The following MEIS2 variants were observed in gnomAD, a reference collection of about 807,000 sequenced individuals.
MEIS2 encodes the protein Meis homeobox 2.
Under a neutral mutation model 58.6 loss-of-function variants are expected in MEIS2, and 9 were observed. The ratio of observed to expected loss-of-function variants is 0.15; its 90% CI spans 0.09 to 0.27. The LOEUF (loss-of-function observed/expected upper bound fraction) is 0.27. Ranked by LOEUF, MEIS2 falls within the 10% of genes least tolerant of loss-of-function variation. The pLI is 1.00. For synonymous variants in MEIS2, 221 were observed against 228.4 expected, an observed-to-expected ratio of 0.97 and a Z score of 0.29; for missense variants, 427 against 635.0, an observed-to-expected ratio of 0.67 and a Z score of 3.52.
chr15:37,022,724 C>T (rs1012156102), intron 8 of MEIS2, among the ~76,000 whole-genome samples: 5 of 152,190 alleles, frequency 3.3e-5, no homozygotes, highest in Admixed American at 6.5e-5. Context: ...ACTGCAACCT[C>T]GTCTCCCAGG....
intron 9 of MEIS2, chr15:36,897,941 TGGA>T (rs992532983): frequency 1.6e-4 from 24 of 152,312 alleles, no homozygotes; most frequent in African/African-American, 5.5e-4. Context: ...GAAGTCCCTT[TGGA>T]GGAGGACAGT....
At position 37,093,644 on chromosome 15, in the gene MEIS2, T is replaced by A. The variant is rs1322337654; in HGVS notation, c.576A>T (p.Arg192Ser). The A allele has an allele frequency of 6.2e-7, 1 of 1,614,078 alleles. No homozygotes were observed. Among genetic ancestry groups the A allele is most frequent in the African/African-American group, 1.3e-5 (1 of 74,928 alleles). Residue 192 changes from arginine to serine, a missense_variant, in exon 6 of 12, where the codon AGA becomes AGT. Arg to Ser is a moderately radical substitution (Grantham distance 110). Around this residue, in one of 6 missense-constraint regions of MEIS2, gnomAD observed 138 missense variants for 263.0 expected, o/e 0.52. Coordinates refer to ENST00000561208, the MANE Select transcript of MEIS2 (RefSeq NM_170675.5). ...KMPIDLVIDE[R>S]DGSSKSDHEE... Reference sequence around the variant, plus strand: ...CATGATCTGACTTGGAGCTGCCGTCTCTTTCATCAATGACGAGGTCGATGG... The same window carrying A: ...CATGATCTGACTTGGAGCTGCCGTCACTTTCATCAATGACGAGGTCGATGG...
At chr15:37,042,275 T>C (rs1360988915) in intron 7 of MEIS2, among the ~76,000 whole-genome samples, 3 of 152,220 alleles carry the variant, frequency 2.0e-5, no homozygotes, top group Non-Finnish European at 4.4e-5. Context: ...GAAAAAATGA[T>C]AAAAGCAGTG....
chr15:37,040,499 C>T (rs143716141), intron 7 of MEIS2, among the ~76,000 whole-genome samples: 12 of 152,284 alleles, frequency 7.9e-5, no homozygotes, highest in Non-Finnish European at 1.8e-4. Flanking sequence ...ACAGTAACTT[C>T]TAAACATGCC....
In MEIS2 at chr15:37,093,989, G is replaced by A. The variant is rs79296586; in HGVS notation, c.490-259C>T. Reference sequence around the variant, plus strand: ...AATAGAGAGAGAAAGAAACAGGACTGGAAATAACTGGGTTCAGAGTGGGAG... The same window carrying A: ...AATAGAGAGAGAAAGAAACAGGACTAGAAATAACTGGGTTCAGAGTGGGAG... On this transcript the variant is annotated intron_variant, in intron 5 of 11. Coordinates refer to ENST00000561208, the MANE Select transcript of MEIS2 (RefSeq NM_170675.5). 689 of 435,768 alleles carry A rather than the reference G, an allele frequency of 1.6e-3. 14 individuals are homozygous for A. In the East Asian group the frequency reaches 0.023, roughly 15 times the overall value. 27.0% of individuals were successfully genotyped at this position (435,768 alleles called of 1,614,324 possible).
chr15:36,977,709 A>C (rs2059804439), intron 8 of MEIS2, among the ~76,000 whole-genome samples: 2 of 152,234 alleles, frequency 1.3e-5, no homozygotes, highest in Admixed American at 1.3e-4. Context: ...AGAAAGCAGG[A>C]GCCTTTTATT....
At chr15:37,037,023 T>C (rs2062185408) in intron 7 of MEIS2, 64 bp from the exon 8 acceptor site, 4 of 1,484,532 alleles carry the variant, frequency 2.7e-6, no homozygotes, top group Non-Finnish European at 3.7e-6. Flanking sequence ...CAAGTGCAGC[T>C]AATGATGAGC....
chr15:36,923,362 T>A lies in MEIS2; in HGVS notation c.978-26676A>T, dbSNP rs76102724. Among the ~76,000 whole-genome samples, 727 of 152,206 alleles carry A rather than the reference T, an allele frequency of 4.8e-3. 4 individuals carry two copies. Among genetic ancestry groups the A allele is most frequent in the Non-Finnish European group, 7.9e-3 (538 of 68,008 alleles). On this transcript the variant is annotated intron_variant, in intron 9 of 11. Coordinates refer to ENST00000561208, the MANE Select transcript of MEIS2 (RefSeq NM_170675.5). ...TTTTCTTTTTACTTTTTGTCATATA[T>A]GTTCATTCTGCTAGGAAAACATGGC...
chr15:37,090,661 A>C (rs931859252), intron 6 of MEIS2, among the ~76,000 whole-genome samples: 16 of 151,894 alleles, frequency 1.1e-4, no homozygotes, highest in Admixed American at 3.3e-4. Flanking sequence ...TTCCTTAAAC[A>C]TGCACACACA....
intron 9 of MEIS2, among the ~76,000 whole-genome samples, chr15:36,906,298 G>A (rs929619866): frequency 6.6e-6 from 1 of 152,102 alleles, no homozygotes; most frequent in African/African-American, 2.4e-5. Flanking sequence ...CTGAACTGAT[G>A]AGAATCTAGA....
rs149609911 is a variant in MEIS2, at chr15:36,940,466, A to C, written c.977+9858T>G. Among the ~76,000 whole-genome samples, 986 of 152,118 alleles carry C rather than the reference A, an allele frequency of 6.5e-3. 9 individuals are homozygous for C. The highest frequency in any genetic ancestry group is 0.022 in the African/African-American group (930 of 41,504). On this transcript the variant is annotated intron_variant, in intron 9 of 11. Coordinates refer to ENST00000561208, the MANE Select transcript of MEIS2 (RefSeq NM_170675.5). The stretch of plus-strand genomic sequence containing the variant: ...AGAATCCAGGGGTGGTTGTTTTTTT[A>C]ATTGGTATCACTTTGTCTTTAGTGC...
intron 8 of MEIS2, among the ~76,000 whole-genome samples, chr15:37,035,156 G>A (rs989839908): frequency 6.6e-6 from 1 of 152,144 alleles, no homozygotes; most frequent in East Asian, 1.9e-4. Flanking sequence ...CCTGTCATCC[G>A]CAGCTACACT....
intron 8 of MEIS2, among the ~76,000 whole-genome samples, chr15:37,008,365 A>C (rs372011158): frequency 5.3e-5 from 8 of 152,346 alleles, no homozygotes; most frequent in African/African-American, 1.9e-4. Flanking sequence ...AAGTTTCACC[A>C]ATGACCTTTG....
At chr15:37,048,311 A>G (rs1391934003) in intron 7 of MEIS2, among the ~76,000 whole-genome samples, 1 of 152,154 alleles carries the variant, frequency 6.6e-6, no homozygotes, top group African/African-American at 2.4e-5. Flanking sequence ...CTTTAATATT[A>G]AATGAAACAT....
chr15:36,981,864 G>A (rs1047081595), intron 8 of MEIS2, among the ~76,000 whole-genome samples: 2 of 152,010 alleles, frequency 1.3e-5, no homozygotes, highest in African/African-American at 4.8e-5. Flanking sequence ...CTTGAGCTGG[G>A]ACATCATTTT....
At chr15:36,971,553 A>AAAAAAAAAAAAAAAAAAGAAAAAAAAAAG (rs1555438306) in intron 8 of MEIS2, among the ~76,000 whole-genome samples, 1 of 131,994 alleles carries the variant, frequency 7.6e-6, no homozygotes, top group African/African-American at 3.4e-5. Flanking sequence ...AAAAAAAAAA[A>AAAAAAAAAAAAAAAAAAGAAAAAAAAAAG]AAAAAAAAAA....
At chr15:37,032,655 C>T (rs1374615213) in intron 8 of MEIS2, among the ~76,000 whole-genome samples, 1 of 152,126 alleles carries the variant, frequency 6.6e-6, no homozygotes, top group Non-Finnish European at 1.5e-5. Context: ...TAGGCAGTGC[C>T]ATCAACCAAC....
intron 7 of MEIS2, among the ~76,000 whole-genome samples, chr15:37,081,017 T>A (rs534690362): frequency 3.9e-5 from 6 of 152,290 alleles, no homozygotes; most frequent in South Asian, 4.1e-4. Context: ...TATTTTTAGG[T>A]TCCAAAGTAA....
At chr15:37,038,694 A>G (rs1466587610) in intron 7 of MEIS2, among the ~76,000 whole-genome samples, 3 of 152,222 alleles carry the variant, frequency 2.0e-5, no homozygotes, top group African/African-American at 7.2e-5. Context: ...CCATATAGTC[A>G]AAGACCGAAT....
Sources: allele counts gnomAD v4.1 joint callset (sites outside exome capture counted in the v4.1 genomes callset), GRCh38; gene constraint gnomAD v4.1.1; regional missense constraint gnomAD v4.1.1; transcripts MANE v1.5; gene names NCBI Gene and HGNC (gene_info 2026-07-23, HGNC 2026-07-21).